Variants in PHC3 observed in about 807,000 individuals in gnomAD.
PHC3 encodes polyhomeotic homolog 3, also known as polyhomeotic-like protein 3.
A neutral mutation model predicts 107.4 loss-of-function variants in PHC3; 13 were observed. That is an observed-to-expected ratio of 0.12 (90% CI 0.08 to 0.19). The LOEUF (loss-of-function observed/expected upper bound fraction) is 0.19, where lower values mean the gene tolerates loss of function less well. PHC3 is among the 10% of genes least tolerant of loss of function. The pLI is 1.00. For missense variants in PHC3, 992 were observed against 1,210.9 expected, an observed-to-expected ratio of 0.82 and a Z score of 2.68; for synonymous variants, 456 against 427.4, an observed-to-expected ratio of 1.07 and a Z score of -0.83.
intron 10 of PHC3, among the ~76,000 whole-genome samples, chr3:170,114,957 A>G (rs527992967): frequency 7.9e-5 from 12 of 152,326 alleles, no homozygotes; most frequent in Non-Finnish European, 1.5e-4. Context: ...GTTATTGCTT[A>G]AAGAAAAACT....
intron 5 of PHC3, chr3:170,147,398 T>C (rs892386618): frequency 2.6e-5 from 4 of 152,212 alleles, no homozygotes; most frequent in African/African-American, 9.7e-5. Flanking sequence ...TTCAGTTCTT[T>C]GGTACACTAA....
At chr3:170,145,857 T>C (rs752500056) in intron 5 of PHC3, among the ~76,000 whole-genome samples, 1 of 152,188 alleles carries the variant, frequency 6.6e-6, no homozygotes, top group African/African-American at 2.4e-5. Context: ...TCAGAACTAC[T>C]GTGGCAGGAT....
intron 2 of PHC3, among the ~76,000 whole-genome samples, chr3:170,177,728 T>A (rs1462346011): frequency 7.2e-6 from 1 of 138,954 alleles, no homozygotes; most frequent in Admixed American, 8.1e-5. Context: ...TGGAGTACAG[T>A]GGTGCGATCA....
chr3:170,144,802 C>T (rs142585217), intron 6 of PHC3, among the ~76,000 whole-genome samples: 1 of 152,054 alleles, frequency 6.6e-6, no homozygotes, highest in Non-Finnish European at 1.5e-5. Context: ...ATCTCCCAGG[C>T]TCGAGCAATC....
chr3:170,094,707 T>C lies in PHC3; in HGVS notation c.*2523A>G, dbSNP rs1449092448. 2 of 152,090 alleles carry C rather than the reference T, an allele frequency of 1.3e-5. No individual in the cohort carries two copies. Among genetic ancestry groups the C allele is most frequent in the Non-Finnish European group, 2.9e-5 (2 of 67,994 alleles). The allele number at this position is 152,090 out of a possible 1,614,324, so 9.4% of individuals were successfully genotyped here. A position where few individuals can be genotyped will look rare whatever the true frequency, so the allele number is the denominator to read the frequency against. On this transcript the variant is annotated 3_prime_UTR_variant, in exon 15 of 15. Coordinates refer to ENST00000495893, the MANE Select transcript of PHC3 (RefSeq NM_024947.4). The stretch of plus-strand genomic sequence containing the variant: ...AAACAAGCCATTTTTAAATAAAAAC[T>C]CACTTGAAAAAAGCAAGTGCATATT...
chr3:170,148,872 T>C, intron 5 of PHC3: 2 of 464,782 alleles, frequency 4.3e-6, no homozygotes, highest in Non-Finnish European at 3.9e-6. Context: ...CTTCTCAATG[T>C]AATAATTACT....
intron 6 of PHC3, among the ~76,000 whole-genome samples, chr3:170,143,643 A>C (rs1202484190): frequency 6.6e-6 from 1 of 152,218 alleles, no homozygotes; most frequent in African/African-American, 2.4e-5. Flanking sequence ...ATGCAAAGTA[A>C]CACTCTAACT....
chr3:170,107,055 A>G, intron 11 of PHC3, 109 bp from the exon 12 acceptor site: 1 of 630,562 alleles, frequency 1.6e-6, no homozygotes, highest in Non-Finnish European at 2.6e-6. Flanking sequence ...ATGGCCCTTT[A>G]ACTTTTCAAT....
chr3:170,173,673 T>C lies in PHC3; in HGVS notation c.181-961A>G, dbSNP rs117106467. Among the ~76,000 whole-genome samples, 596 of 152,336 alleles carry C rather than the reference T, an allele frequency of 3.9e-3. 20 individuals are homozygous for C. In the East Asian group the frequency reaches 0.098, roughly 25 times the overall value. On this transcript the variant is annotated intron_variant, in intron 2 of 14. Coordinates refer to ENST00000495893, the MANE Select transcript of PHC3 (RefSeq NM_024947.4). Reference sequence around the variant, plus strand: ...TACTGGCCACTATAGTGTACATTGCTGATACCGATCTATATTTACTAACAA... The same window carrying C: ...TACTGGCCACTATAGTGTACATTGCCGATACCGATCTATATTTACTAACAA...
chr3:170,103,008 A>C, intron 12 of PHC3, 74 bp from the exon 13 acceptor site: 2 of 1,422,360 alleles, frequency 1.4e-6, no homozygotes, highest in Non-Finnish European at 1.9e-6. Flanking sequence ...TGTGACTTTA[A>C]AGTGCAACTG....
At chr3:170,110,348 C>T (rs1261377274) in intron 11 of PHC3, among the ~76,000 whole-genome samples, 2 of 148,428 alleles carry the variant, frequency 1.3e-5, no homozygotes, top group African/African-American at 5.3e-5. Flanking sequence ...TTCCCACTAC[C>T]CCTCTAATCC....
At chr3:170,150,949 C>A (rs140777247) in intron 4 of PHC3, among the ~76,000 whole-genome samples, 1,853 of 151,624 alleles carry the variant, frequency 0.012, 39 homozygotes, top group African/African-American at 0.043. Context: ...GAGGTGGCTC[C>A]AGCCTATAAT....
intron 4 of PHC3, chr3:170,169,836 A>G (rs373647507): frequency 8.5e-5 from 13 of 152,344 alleles, no homozygotes; most frequent in African/African-American, 3.1e-4. Flanking sequence ...TTGTCTATAT[A>G]ATTTCCTTCA....
At chr3:170,120,572 CA>C (rs913462491) in intron 9 of PHC3, among the ~76,000 whole-genome samples, 18 of 139,104 alleles carry the variant, frequency 1.3e-4, no homozygotes, top group Admixed American at 1.4e-4. Context: ...GACTCCATCT[CA>C]AAAAAAAAAA....
Position 170,106,943 on chromosome 3 carries a change from G to T in PHC3, c.2357C>A (p.Thr786Lys). The T allele has an allele frequency of 6.3e-7, 1 of 1,588,062 alleles. No individual in the cohort carries two copies. The highest frequency in any genetic ancestry group is 1.4e-5 in the African/African-American group (1 of 73,556). The change falls in exon 12 of 15, where the codon ACA (threonine) becomes AAA (lysine). Residue 786 changes from threonine to lysine, a missense_variant. Coordinates refer to ENST00000495893, the MANE Select transcript of PHC3 (RefSeq NM_024947.4). ...TEMEDMIAEETLEEMDSELLK... is the reference protein window; with the variant it reads ...TEMEDMIAEEKLEEMDSELLK... ...CAACTCACTGTCCATTTCTTCTAAT[G>T]TCTCTAAAAAAGAAGGAAACAAAGG... is the stretch of plus-strand genomic sequence containing the variant.
At position 170,129,538 on chromosome 3, in the gene PHC3, T is replaced by C. The variant is rs1247788555; in HGVS notation, c.934A>G (p.Ile312Val). ...TGTTTTATTAGAGAATGAGGCTGAATTGGAGAATATGAAGCTGTGAGAGAA... is the reference window on the plus strand; with the variant it reads ...TGTTTTATTAGAGAATGAGGCTGAACTGGAGAATATGAAGCTGTGAGAGAA... ...QLIAPASYSPIQPHSLIKHQQ... is the reference protein window; with the variant it reads ...QLIAPASYSPVQPHSLIKHQQ... Residue 312 changes from isoleucine to valine, a missense_variant, in exon 8 of 15, where the codon ATT becomes GTT. By Grantham distance (29) the Ile-to-Val change is conservative. Transcript: ENST00000495893. 8.1e-6 allele frequency: 13 copies of C among 1,612,970 alleles called. No homozygotes were observed. Among genetic ancestry groups the C allele is most frequent in the African/African-American group, 2.7e-5 (2 of 74,822 alleles).
chr3:170,131,605 G>A (rs921329787), intron 7 of PHC3, among the ~76,000 whole-genome samples: 11 of 152,168 alleles, frequency 7.2e-5, no homozygotes, highest in Admixed American at 2.0e-4. Flanking sequence ...AGGCTGAGGT[G>A]GGAGGATCAC....
intron 8 of PHC3, among the ~76,000 whole-genome samples, chr3:170,125,646 A>AT (rs1009635983): frequency 1.3e-5 from 2 of 152,210 alleles, no homozygotes; most frequent in African/African-American, 4.8e-5. Flanking sequence ...CACAAATAGC[A>AT]TATTTTGAAA....
intron 6 of PHC3, among the ~76,000 whole-genome samples, chr3:170,144,904 A>G (rs1724705356): frequency 6.6e-6 from 1 of 152,176 alleles, no homozygotes; most frequent in Non-Finnish European, 1.5e-5. Flanking sequence ...ACCGGGTCTT[A>G]CTATTTTGCC....
Sources: allele counts gnomAD v4.1 joint callset (sites outside exome capture counted in the v4.1 genomes callset), GRCh38; gene constraint gnomAD v4.1.1; transcripts MANE v1.5; gene names NCBI Gene and HGNC (gene_info 2026-07-23, HGNC 2026-07-21).